Variants in PHC3 observed in about 807,000 individuals in gnomAD.
The protein encoded by PHC3 is polyhomeotic homolog 3.
Under a neutral mutation model 107.4 loss-of-function variants are expected in PHC3, and 13 were observed. The ratio of observed to expected loss-of-function variants is 0.12; its 90% CI spans 0.08 to 0.19. The LOEUF is 0.19. Ranked by LOEUF, PHC3 falls within the 10% of genes least tolerant of loss-of-function variation. PHC3 has a pLI of 1.00. For synonymous variants in PHC3, 456 were observed against 427.4 expected (o/e 1.07, Z -0.83); for missense variants, 992 against 1,210.9 (o/e 0.82, Z 2.68).
At chr3:170,171,151 A>G in intron 4 of PHC3, 2 of 574,746 alleles carry the variant, frequency 3.5e-6, no homozygotes, top group Non-Finnish European at 3.0e-6. Context: ...GCAAATGGAT[A>G]TACAAGAAAT....
At position 170,163,131 on chromosome 3, in the gene PHC3, G is replaced by T. The variant is rs532287623; in HGVS notation, c.414+8242C>A. On this transcript the variant is annotated intron_variant, in intron 4 of 14. Coordinates refer to ENST00000495893, the MANE Select transcript of PHC3 (RefSeq NM_024947.4). ...ACTGTATCCTCAGCACCTAGAAGAG[G>T]ATTTGGCGAATATTAAACGCTCGAT... Among the ~76,000 whole-genome samples the T allele has an allele frequency of 1.1e-3, 170 of 152,230 alleles. 1 individual carries two copies. The Middle Eastern group carries it at 0.014, about 12-fold the overall frequency.
intron 6 of PHC3, among the ~76,000 whole-genome samples, chr3:170,137,557 G>T (rs926364790): frequency 2.6e-5 from 4 of 152,172 alleles, no homozygotes; most frequent in Admixed American, 6.5e-5. Flanking sequence ...TCAAGCAAAT[G>T]ATATACTGCT....
intron 7 of PHC3, 183 bp downstream of exon 7, chr3:170,136,236 T>C: frequency 1.5e-6 from 1 of 655,670 alleles, no homozygotes; most frequent in Non-Finnish European, 2.4e-6. Flanking sequence ...TGTTACAATT[T>C]ATTTTATCTT....
At chr3:170,173,264 A>C (rs1337786799) in intron 2 of PHC3, among the ~76,000 whole-genome samples, 1 of 152,044 alleles carries the variant, frequency 6.6e-6, no homozygotes, top group Non-Finnish European at 1.5e-5. Flanking sequence ...TAAGCATTTC[A>C]AAAGATTTTC....
At chr3:170,144,808 C>G (rs1193075136) in intron 6 of PHC3, among the ~76,000 whole-genome samples, 1 of 152,020 alleles carries the variant, frequency 6.6e-6, no homozygotes, top group Non-Finnish European at 1.5e-5. Context: ...CAGGCTCGAG[C>G]AATCCTCCTG....
intron 7 of PHC3, among the ~76,000 whole-genome samples, chr3:170,134,978 T>C (rs920238982): frequency 1.3e-5 from 2 of 152,160 alleles, no homozygotes; most frequent in Non-Finnish European, 2.9e-5. Context: ...TAGAGAATGC[T>C]GGCAGTATTA....
In PHC3 at chr3:170,094,495, A is replaced by C. The variant is rs954841348; in HGVS notation, c.*2735T>G. On this transcript the variant is annotated 3_prime_UTR_variant, in exon 15 of 15. Coordinates refer to ENST00000495893, the MANE Select transcript of PHC3 (RefSeq NM_024947.4). ...CCCCAGTCAAAATCCTAAAACTATT[A>C]GTAGTAGTATGAAAGGATATGAAAA... The C allele has an allele frequency of 1.3e-5, 2 of 152,274 alleles. No individual in the cohort carries two copies. Among genetic ancestry groups the C allele is most frequent in the South Asian group, 4.1e-4 (2 of 4,830 alleles). The allele number at this position is 152,274 out of a possible 1,614,324, so 9.4% of individuals were successfully genotyped here. A position where few individuals can be genotyped will look rare whatever the true frequency, so the allele number is the denominator to read the frequency against.
At chr3:170,175,182 T>C (rs1325486482) in intron 2 of PHC3, among the ~76,000 whole-genome samples, 1 of 152,232 alleles carries the variant, frequency 6.6e-6, no homozygotes, top group Non-Finnish European at 1.5e-5. Flanking sequence ...ACTTAGGTAG[T>C]TCAATAAATA....
At chr3:170,121,781 C>A (rs1224992919) in intron 9 of PHC3, among the ~76,000 whole-genome samples, 1 of 152,144 alleles carries the variant, frequency 6.6e-6, no homozygotes, top group East Asian at 1.9e-4. Context: ...TTATTTAAAT[C>A]TTTTGAAAGA....
At position 170,122,631 on chromosome 3, in the gene PHC3, C is replaced by T; in HGVS notation, c.1902G>A (p.Val634=). The part of the protein sequence containing the change: ...PPTLSPAAIT[V]GRGEDLTSEH... ...CAGAAGTCAAATCTTCTCCTCTCCCCACTGTTATAGCTGCTGGAGACAAAG... is the reference window on the plus strand; with the variant it reads ...CAGAAGTCAAATCTTCTCCTCTCCCTACTGTTATAGCTGCTGGAGACAAAG... The change falls in exon 9 of 15, where the codon GTG becomes GTA. Residue 634 remains valine, a synonymous_variant. Coordinates refer to ENST00000495893, the MANE Select transcript of PHC3 (RefSeq NM_024947.4). 1.2e-6 allele frequency: 2 copies of T among 1,613,972 alleles called. No individual in the cohort carries two copies. Among genetic ancestry groups the T allele is most frequent in the East Asian group, 2.2e-5 (1 of 44,874 alleles).
chr3:170,118,829 G>C, intron 9 of PHC3, among the ~76,000 whole-genome samples: 1 of 151,606 alleles, frequency 6.6e-6, no homozygotes, highest in East Asian at 1.9e-4. Flanking sequence ...TCAAAGTGCT[G>C]GTATAAGCCA....
At chr3:170,145,351 C>T (rs529936996) in intron 6 of PHC3, 72 bp downstream of exon 6, 8 of 1,284,596 alleles carry the variant, frequency 6.2e-6, no homozygotes, top group South Asian at 5.5e-5. Flanking sequence ...AACTTAAACA[C>T]AAATGCAATG....
chr3:170,143,548 A>G (rs1221913646), intron 6 of PHC3, among the ~76,000 whole-genome samples: 1 of 152,238 alleles, frequency 6.6e-6, no homozygotes, highest in Non-Finnish European at 1.5e-5. Flanking sequence ...ACAAATAAGA[A>G]GCCAAAGATG....
rs9828429 is a variant in PHC3 at position 170,096,943 on chromosome 3, T to C, written c.*287A>G. The C allele has an allele frequency of 6.5e-3, 1,501 of 231,634 alleles. 22 individuals are homozygous for C. The highest frequency in any genetic ancestry group is 0.031 in the African/African-American group (1,393 of 44,548). 14.3% of individuals were successfully genotyped at this position (231,634 alleles called of 1,614,324 possible). A position where few individuals can be genotyped will look rare whatever the true frequency, so the allele number is the denominator to read the frequency against. ...ATGATAAACATCACCTTTAAAAAAA[T>C]TATCTAGTATAACACATTTCTTTGA... On this transcript the variant is annotated 3_prime_UTR_variant, in exon 15 of 15. Transcript: ENST00000495893.
chr3:170,145,612 G>C, intron 5 of PHC3, 91 bp from the exon 6 acceptor site: 1 of 794,590 alleles, frequency 1.3e-6, no homozygotes, highest in South Asian at 2.2e-5. Flanking sequence ...TGAAATTTGT[G>C]ACAGAAAGAC....
intron 1 of PHC3, among the ~76,000 whole-genome samples, chr3:170,179,268 G>A (rs1018603244): frequency 1.3e-5 from 2 of 151,966 alleles, no homozygotes; most frequent in Admixed American, 1.3e-4. Context: ...AACTACCTAG[G>A]AAAATAAAAA....
At chr3:170,140,484 C>T (rs1423089626) in intron 6 of PHC3, among the ~76,000 whole-genome samples, 1 of 151,576 alleles carries the variant, frequency 6.6e-6, no homozygotes, top group Non-Finnish European at 1.5e-5. Flanking sequence ...AAACTTCTGG[C>T]CTCAAGTGAT....
chr3:170,144,435 C>T (rs1010445348), intron 6 of PHC3, among the ~76,000 whole-genome samples: 2 of 151,784 alleles, frequency 1.3e-5, no homozygotes, highest in South Asian at 2.1e-4. Context: ...TTCTGAGTAC[C>T]GCTGCTATAA....
chr3:170,169,054 T>C (rs891530384), intron 4 of PHC3, among the ~76,000 whole-genome samples: 27 of 152,114 alleles, frequency 1.8e-4, no homozygotes, highest in African/African-American at 6.5e-4. Context: ...CTCCTTTGAA[T>C]GTCATGTTGG....
Sources: allele counts gnomAD v4.1 joint callset (sites outside exome capture counted in the v4.1 genomes callset), GRCh38; gene constraint gnomAD v4.1.1; transcripts MANE v1.5; gene names NCBI Gene and HGNC (gene_info 2026-07-23, HGNC 2026-07-21).